The following ATP2B2 variants were observed in gnomAD, a reference collection of about 807,000 sequenced individuals.
The protein encoded by ATP2B2 is plasma membrane calcium-transporting ATPase 2.
ATP2B2 carries 15 observed loss-of-function variants against 120.0 expected under a neutral mutation model. The observed-to-expected ratio is 0.12, with a 90% confidence interval of 0.08 to 0.19. The LOEUF (loss-of-function observed/expected upper bound fraction) is 0.19, where lower values mean the gene tolerates loss of function less well. Among genes scored for constraint, ATP2B2 ranks in the 10% least tolerant of loss-of-function variants. The probability of loss-of-function intolerance (pLI) is 1.00; values close to 1 mark genes in which losing one functional copy is unlikely to be tolerated. For synonymous variants in ATP2B2, 694 were observed against 700.3 expected, an observed-to-expected ratio of 0.99 and a Z score of 0.14; for missense variants, 1,045 against 1,719.8, an observed-to-expected ratio of 0.61 and a Z score of 6.94.
intron 2 of ATP2B2, among the ~76,000 whole-genome samples, chr3:10,411,244 G>C (rs192504737): frequency 1.7e-3 from 262 of 152,328 alleles, no homozygotes; most frequent in African/African-American, 6.1e-3. Flanking sequence ...GCAGCCATAA[G>C]CCAGGAAATG....
intron 1 of ATP2B2, among the ~76,000 whole-genome samples, chr3:10,628,739 G>A (rs533534388): frequency 1.4e-4 from 21 of 152,290 alleles, no homozygotes; most frequent in East Asian, 3.9e-4. Flanking sequence ...CAGTCACCAC[G>A]GTAGGGACTG....
At position 10,324,336 on chromosome 3, in the gene ATP2B2, G is replaced by A. The variant is rs1200158474; in HGVS notation, c.*4478C>T. 1 of 152,030 alleles carries A rather than the reference G, an allele frequency of 6.6e-6. No individual in the cohort carries two copies. Among genetic ancestry groups the A allele is most frequent in the African/African-American group, 2.4e-5 (1 of 41,376 alleles). The allele number at this position is 152,030 out of a possible 1,614,324, so 9.4% of individuals were successfully genotyped here. A position where few individuals can be genotyped will look rare whatever the true frequency, so the allele number is the denominator to read the frequency against. ...CCACAGGCATTACAAAACAGACTTA[G>A]GGGGCTGAGAAGGGCAGTCCCAAAG... On this transcript the variant is annotated 3_prime_UTR_variant, in exon 23 of 23. Coordinates refer to ENST00000360273, the MANE Select transcript of ATP2B2 (RefSeq NM_001001331.4).
chr3:10,514,450 ACTT>A (rs930191763), intron 3 of ATP2B2, among the ~76,000 whole-genome samples: 4 of 152,030 alleles, frequency 2.6e-5, no homozygotes, highest in African/African-American at 7.3e-5. Context: ...GGCCCAGAAA[ACTT>A]CTGGGAATTC....
Position 10,326,369 on chromosome 3 carries a change from C to T in ATP2B2, c.*2445G>A, listed in dbSNP as rs1001932670. 7.9e-5 allele frequency: 17 copies of T among 214,650 alleles called. No individual in the cohort carries two copies. In the Admixed American group the frequency reaches 9.4e-4, roughly 12 times the overall value. 13.3% of individuals were successfully genotyped at this position (214,650 alleles called of 1,614,324 possible). ...AACGCTAATGTTGGCATTCTTCCATCGCTCCCTGTTCCCTAAGCCAGGCTC... is the reference window on the plus strand; with the variant it reads ...AACGCTAATGTTGGCATTCTTCCATTGCTCCCTGTTCCCTAAGCCAGGCTC... On this transcript the variant is annotated 3_prime_UTR_variant, in exon 23 of 23. Transcript: ENST00000360273.
upstream of ATP2B2, chr3:10,708,096 G>A: frequency 8.7e-6 from 1 of 114,872 alleles, no homozygotes; most frequent in East Asian, 2.7e-4. Flanking sequence ...CGCCGCCTCT[G>A]CCACCGCTGC....
At chr3:10,554,683 T>C (rs2125519172) in intron 2 of ATP2B2, among the ~76,000 whole-genome samples, 1 of 152,360 alleles carries the variant, frequency 6.6e-6, no homozygotes, top group South Asian at 2.1e-4. Context: ...TCCCCTGGTC[T>C]ATGGTTTTTT....
intron 1 of ATP2B2, among the ~76,000 whole-genome samples, chr3:10,687,562 A>G (rs556180128): frequency 4.5e-4 from 69 of 152,326 alleles, no homozygotes; most frequent in Middle Eastern, 3.4e-3. Flanking sequence ...AAAGATGGAA[A>G]TAAAAAGAGC....
intron 3 of ATP2B2, among the ~76,000 whole-genome samples, chr3:10,405,435 G>C (rs1559294506): frequency 6.6e-6 from 1 of 152,150 alleles, no homozygotes; most frequent in Non-Finnish European, 1.5e-5. Flanking sequence ...CTAGAAAGTG[G>C]GAGTGCAGAT....
intron 1 of ATP2B2, among the ~76,000 whole-genome samples, chr3:10,699,003 C>T (rs1022689133): frequency 2.6e-5 from 4 of 152,218 alleles, no homozygotes; most frequent in Admixed American, 1.3e-4. Flanking sequence ...TGAAAACCAG[C>T]TCCTATTTCC....
chr3:10,517,158 G>C (rs1247629642), intron 3 of ATP2B2, among the ~76,000 whole-genome samples: 1 of 152,246 alleles, frequency 6.6e-6, no homozygotes, highest in African/African-American at 2.4e-5. Context: ...GTGAAGTGAG[G>C]ACTCTCCTGC....
intron 2 of ATP2B2, among the ~76,000 whole-genome samples, chr3:10,548,625 A>G (rs1273488295): frequency 1.3e-5 from 2 of 152,216 alleles, no homozygotes; most frequent in African/African-American, 2.4e-5. Context: ...AGGTGCCCAC[A>G]GTGATAATTA....
At chr3:10,412,645 A>T (rs968696517) in intron 2 of ATP2B2, among the ~76,000 whole-genome samples, 2 of 152,116 alleles carry the variant, frequency 1.3e-5, no homozygotes, top group African/African-American at 4.8e-5. Context: ...TCTTCCCCGC[A>T]GCAGGCTTAC....
intron 1 of ATP2B2, among the ~76,000 whole-genome samples, chr3:10,487,588 G>T (rs1208734360): frequency 6.6e-6 from 1 of 152,224 alleles, no homozygotes; most frequent in East Asian, 1.9e-4. Flanking sequence ...TACAGGCAGG[G>T]ACTGTGTCTG....
chr3:10,439,415 T>C (rs183790574), intron 2 of ATP2B2, among the ~76,000 whole-genome samples: 5 of 152,256 alleles, frequency 3.3e-5, no homozygotes, highest in Admixed American at 3.3e-4. Context: ...GAGCACCCTT[T>C]TCCTGCACAG....
intron 22 of ATP2B2, chr3:10,336,058 G>GC (rs2060108206): frequency 1.3e-6 from 2 of 1,499,524 alleles, no homozygotes; most frequent in Non-Finnish European, 1.8e-6. Context: ...GTCCTCTGGT[G>GC]CCCCAGCCCC....
chr3:10,391,513 T>C (rs1368871705), intron 5 of ATP2B2, among the ~76,000 whole-genome samples: 1 of 152,144 alleles, frequency 6.6e-6, no homozygotes. Flanking sequence ...CCAAATCACC[T>C]TCTAATCTAA....
intron 3 of ATP2B2, among the ~76,000 whole-genome samples, chr3:10,518,597 C>T (rs56680518): frequency 0.026 from 3,914 of 152,372 alleles, 82 homozygotes; most frequent in Middle Eastern, 0.088. Flanking sequence ...ACTCCTGATC[C>T]GCTTTCTCCC....
chr3:10,459,606 A>G (rs2125229569), intron 1 of ATP2B2, among the ~76,000 whole-genome samples: 1 of 152,382 alleles, frequency 6.6e-6, no homozygotes, highest in East Asian at 1.9e-4. Context: ...TAACTGGCCA[A>G]CATGACACTG....
chr3:10,476,118 A>G, intron 1 of ATP2B2, among the ~76,000 whole-genome samples: 1 of 150,640 alleles, frequency 6.6e-6, no homozygotes, highest in East Asian at 2.1e-4. Flanking sequence ...CTCTGTCTGC[A>G]AAATTCGCAT....
Sources: gnomAD v4.1 joint callset for allele counts (sites outside exome capture counted in the v4.1 genomes callset) on GRCh38, gnomAD v4.1.1 for gene constraint, MANE v1.5 for transcripts, NCBI Gene and HGNC (gene_info 2026-07-23, HGNC 2026-07-21) for gene names.